The following CPPED1 variants were observed in gnomAD, a reference collection of about 807,000 sequenced individuals.
The protein encoded by CPPED1 is serine/threonine-protein phosphatase CPPED1.
A neutral mutation model predicts 28.0 loss-of-function variants in CPPED1; 28 were observed. That is an observed-to-expected ratio of 1.00 (90% CI 0.74 to 1.37). The LOEUF is 1.37. Ranked by LOEUF, CPPED1 falls within the 40% of genes most tolerant of loss-of-function variation. The pLI is 0.00. For missense variants in CPPED1, 504 were observed against 416.5 expected (o/e 1.21, Z -1.83); for synonymous variants, 198 against 180.2 (o/e 1.10, Z -0.79).
intron 2 of CPPED1, among the ~76,000 whole-genome samples, chr16:12,772,873 T>C (rs2080477714): frequency 6.6e-6 from 1 of 152,172 alleles, no homozygotes; most frequent in Non-Finnish European, 1.5e-5. Context: ...ATAGAACACA[T>C]ATTAAACAAT....
chr16:12,701,252 G>A (rs1042762571), intron 3 of CPPED1, among the ~76,000 whole-genome samples: 3 of 151,724 alleles, frequency 2.0e-5, no homozygotes, highest in African/African-American at 4.8e-5. Flanking sequence ...TGTTGAGGCC[G>A]GGTGTGGTGG....
At chr16:12,732,078 G>GC (rs1238899362) in intron 2 of CPPED1, among the ~76,000 whole-genome samples, 1 of 151,914 alleles carries the variant, frequency 6.6e-6, no homozygotes, top group Admixed American at 6.6e-5. Context: ...CAGTAGAATC[G>GC]CCTGGGGGGC....
At chr16:12,711,825 T>C (rs1017699048) in intron 2 of CPPED1, among the ~76,000 whole-genome samples, 7 of 152,182 alleles carry the variant, frequency 4.6e-5, no homozygotes, top group East Asian at 1.9e-4. Flanking sequence ...ACCTCCTTTA[T>C]GGAAATTCTG....
chr16:12,756,388 A>G (rs765031308), intron 2 of CPPED1, among the ~76,000 whole-genome samples: 4 of 152,242 alleles, frequency 2.6e-5, no homozygotes, highest in Admixed American at 6.5e-5. Context: ...GGGCTGTGGC[A>G]GCAGAGATGC....
intron 2 of CPPED1, among the ~76,000 whole-genome samples, chr16:12,756,874 T>C (rs994264624): frequency 2.0e-5 from 3 of 150,866 alleles, no homozygotes; most frequent in Non-Finnish European, 2.9e-5. Flanking sequence ...TACAGTGCTC[T>C]CCCAAAAGTG....
chr16:12,704,580 A>G (rs890583445), intron 3 of CPPED1, 44 bp downstream of exon 3: 4 of 1,560,236 alleles, frequency 2.6e-6, no homozygotes, highest in African/African-American at 2.7e-5. Flanking sequence ...TGCCCTCTCT[A>G]GACTTGTCCT....
At chr16:12,759,904 T>C (rs1287338299) in intron 2 of CPPED1, among the ~76,000 whole-genome samples, 1 of 152,152 alleles carries the variant, frequency 6.6e-6, no homozygotes, top group Non-Finnish European at 1.5e-5. Flanking sequence ...AGACTAATAC[T>C]GGGGCAAACT....
chr16:12,670,425 A>G lies in CPPED1; in HGVS notation c.716-5310T>C, dbSNP rs1428289219. ...AAATGACACAGACACCCCACCCTCTAGGAAGTAGTGCATCTTTCTTCATCC... is the reference window on the plus strand; with the variant it reads ...AAATGACACAGACACCCCACCCTCTGGGAAGTAGTGCATCTTTCTTCATCC... On this transcript the variant is annotated intron_variant, in intron 3 of 3. Transcript: ENST00000381774. The surrounding 1 kb of genome is among the most constrained non-coding windows in gnomAD (Gnocchi z 4.2). Among the ~76,000 whole-genome samples, 1 of 152,178 alleles carries G rather than the reference A, an allele frequency of 6.6e-6. No homozygotes were observed. The highest frequency in any genetic ancestry group is 1.5e-5 in the Non-Finnish European group (1 of 68,016).
At chr16:12,702,258 C>T (rs933003454) in intron 3 of CPPED1, among the ~76,000 whole-genome samples, 1 of 151,804 alleles carries the variant, frequency 6.6e-6, no homozygotes, top group African/African-American at 2.4e-5. Context: ...CCCAAGGGTG[C>T]CCTGTTAGAG....
intron 2 of CPPED1, among the ~76,000 whole-genome samples, chr16:12,737,168 CGA>C (rs927560675): frequency 1.3e-5 from 2 of 151,368 alleles, no homozygotes; most frequent in Non-Finnish European, 2.9e-5. Context: ...CCAGTCTGGG[CGA>C]GAGAGTGAGA....
chr16:12,683,550 C>G (rs1014943876), intron 3 of CPPED1, among the ~76,000 whole-genome samples: 5 of 152,178 alleles, frequency 3.3e-5, no homozygotes, highest in Non-Finnish European at 5.9e-5. Context: ...AAACTCAACC[C>G]GCTTACTTCT....
intron 2 of CPPED1, among the ~76,000 whole-genome samples, chr16:12,727,667 A>G (rs1216876881): frequency 6.6e-6 from 1 of 152,186 alleles, no homozygotes; most frequent in African/African-American, 2.4e-5. Flanking sequence ...TCTGAATTCA[A>G]ACATTTTAAT....
chr16:12,677,063 A>C (rs2079881409), intron 3 of CPPED1, among the ~76,000 whole-genome samples: 1 of 152,168 alleles, frequency 6.6e-6, no homozygotes, highest in African/African-American at 2.4e-5. Context: ...AAGAGAGTCA[A>C]GTGTGTCTAG....
chr16:12,750,390 T>C (rs1212596169), intron 2 of CPPED1, among the ~76,000 whole-genome samples: 2 of 152,256 alleles, frequency 1.3e-5, no homozygotes, highest in African/African-American at 2.4e-5. Context: ...TAGAAGCCAG[T>C]ATAGGGTTAG....
intron 1 of CPPED1, among the ~76,000 whole-genome samples, chr16:12,798,438 C>T (rs1486305530): frequency 1.3e-5 from 2 of 152,154 alleles, no homozygotes; most frequent in African/African-American, 4.8e-5. Flanking sequence ...CTTGGAGATA[C>T]CTTTCCAGGT....
chr16:12,685,375 A>C (rs1346037045), intron 3 of CPPED1, among the ~76,000 whole-genome samples: 1 of 152,176 alleles, frequency 6.6e-6, no homozygotes, highest in Non-Finnish European at 1.5e-5. Flanking sequence ...GCTTGAACCC[A>C]GGAGGCGGAG....
chr16:12,706,575 A>G (rs1191602904), intron 2 of CPPED1, among the ~76,000 whole-genome samples: 3 of 145,072 alleles, frequency 2.1e-5, no homozygotes, highest in African/African-American at 7.6e-5. Context: ...AAAAAAAAAA[A>G]ACTCAAAGAT....
chr16:12,726,102 C>T (rs2080168520), intron 2 of CPPED1, among the ~76,000 whole-genome samples: 1 of 151,536 alleles, frequency 6.6e-6, no homozygotes, highest in Admixed American at 6.6e-5. Flanking sequence ...AGTGCAATGG[C>T]ACAATCTTGG....
chr16:12,685,856 T>A (rs757511263), intron 3 of CPPED1, among the ~76,000 whole-genome samples: 1 of 152,122 alleles, frequency 6.6e-6, no homozygotes, highest in Non-Finnish European at 1.5e-5. Flanking sequence ...CTGAGAAAGG[T>A]TATGTTTCTT....
Sources: gnomAD v4.1 joint callset for allele counts (sites outside exome capture counted in the v4.1 genomes callset) on GRCh38, gnomAD v4.1.1 for gene constraint, Gnocchi (gnomAD v3.1) non-coding constraint, MANE v1.5 for transcripts, NCBI Gene and HGNC (gene_info 2026-07-23, HGNC 2026-07-21) for gene names.